Variants in CSMD3 observed in about 807,000 individuals in gnomAD.
CSMD3 encodes the protein CUB and sushi domain-containing protein 3.
CSMD3 carries 177 observed loss-of-function variants against 435.2 expected under a neutral mutation model. The observed-to-expected ratio is 0.41, with a 90% CI of 0.36 to 0.46. CSMD3 has a LOEUF of 0.46. Among genes scored for constraint, CSMD3 ranks in the 20% least tolerant of loss-of-function variants. The pLI, the probability that CSMD3 is intolerant of heterozygous loss-of-function variation, is 0.34. For missense variants in CSMD3, 4,265 were observed against 4,504.6 expected (o/e 0.95, Z 1.52); for synonymous variants, 1,656 against 1,520.5 (o/e 1.09, Z -2.07).
At chr8:113,107,061 C>T (rs533925207) in intron 4 of CSMD3, among the ~76,000 whole-genome samples, 28 of 152,300 alleles carry the variant, frequency 1.8e-4, no homozygotes, top group African/African-American at 5.5e-4. Flanking sequence ...GGGCCTTAGA[C>T]AACCATGAAT....
At chr8:112,403,001 T>C (rs866863105) in intron 35 of CSMD3, among the ~76,000 whole-genome samples, 2 of 152,256 alleles carry the variant, frequency 1.3e-5, no homozygotes, top group Admixed American at 6.5e-5. Context: ...AGAGTGCAAG[T>C]ACCTAAGGGG....
At position 113,002,968 on chromosome 8, in the gene CSMD3, G is replaced by T. The variant is rs1241150133; in HGVS notation, c.1030+16099C>A. Among the ~76,000 whole-genome samples the T allele has an allele frequency of 2.6e-5, 4 of 152,000 alleles. No individual in the cohort carries two copies. In the South Asian group the frequency reaches 8.3e-4, roughly 32 times the overall value. On this transcript the variant is annotated intron_variant, in intron 6 of 70. Coordinates refer to ENST00000297405, the MANE Select transcript of CSMD3 (RefSeq NM_198123.2). ...TAATTAACTAGTGTTGGCCAGGCAC[G>T]GTGGTTCACGTCTGTAATCCCAGCA...
intron 54 of CSMD3, among the ~76,000 whole-genome samples, chr8:112,294,838 A>G (rs890858922): frequency 6.6e-6 from 1 of 152,180 alleles, no homozygotes; most frequent in Non-Finnish European, 1.5e-5. Context: ...GTTTTGTATG[A>G]ATTTTAAAAT....
intron 1 of CSMD3, among the ~76,000 whole-genome samples, chr8:113,335,130 C>A (rs1000488421): frequency 6.6e-6 from 1 of 152,062 alleles, no homozygotes; most frequent in Admixed American, 6.6e-5. Flanking sequence ...GCCACCTCCA[C>A]CCTGGCTCCT....
Position 112,318,269 on chromosome 8 carries a change from C to T in CSMD3, c.7360+568G>A, listed in dbSNP as rs530443085. ...CATCAAGCTTTCCCTACCCCACAAC[C>T]GGTTAAAAATTATATGAATCTACAG... On this transcript the variant is annotated intron_variant, in intron 47 of 70. Coordinates refer to ENST00000297405, the MANE Select transcript of CSMD3 (RefSeq NM_198123.2). Among the ~76,000 whole-genome samples the T allele has an allele frequency of 7.2e-5, 11 of 152,072 alleles. No individual in the cohort carries two copies. In the East Asian group the frequency reaches 1.6e-3, roughly 21 times the overall value.
intron 1 of CSMD3, among the ~76,000 whole-genome samples, chr8:113,388,565 C>T (rs1402497643): frequency 1.3e-5 from 2 of 151,446 alleles, no homozygotes; most frequent in African/African-American, 2.4e-5. Flanking sequence ...AGCAATTAAA[C>T]CAACGTCTGG....
At position 113,269,127 on chromosome 8, in the gene CSMD3, T is replaced by C. The variant is rs547971169; in HGVS notation, c.514+9465A>G. 3.3e-5 allele frequency among the ~76,000 whole-genome samples: 5 copies of C among 152,228 alleles called. 1 individual carries two copies. The highest frequency in any genetic ancestry group is 2.6e-4 in the Admixed American group (4 of 15,264). The stretch of plus-strand genomic sequence containing the variant: ...ATTCTTTTGAGTAGCTTTTTAAAAT[T>C]AACAATTTAATAAAATTTTTAGCAC... On this transcript the variant is annotated intron_variant, in intron 3 of 70. Coordinates refer to ENST00000297405, the MANE Select transcript of CSMD3 (RefSeq NM_198123.2).
At chr8:112,370,228 T>C (rs1226643176) in intron 38 of CSMD3, among the ~76,000 whole-genome samples, 3 of 152,130 alleles carry the variant, frequency 2.0e-5, no homozygotes, top group Admixed American at 6.6e-5. Context: ...CAAATATTCA[T>C]TGAGGACATA....
Position 113,055,569 on chromosome 8 carries a change from A to G in CSMD3, c.918-36390T>C, listed in dbSNP as rs145825225. 3.3e-3 allele frequency among the ~76,000 whole-genome samples: 507 copies of G among 152,132 alleles called. 3 individuals are homozygous for G. Among genetic ancestry groups the G allele is most frequent in the Non-Finnish European group, 5.9e-3 (404 of 68,002 alleles). Reference sequence around the variant, plus strand: ...CTCATGTCTATAACTGTAATCCTAAATTTTCCCTTGAGCTTCAGACTTGTA... The same window carrying G: ...CTCATGTCTATAACTGTAATCCTAAGTTTTCCCTTGAGCTTCAGACTTGTA... On this transcript the variant is annotated intron_variant, in intron 5 of 70. Coordinates refer to ENST00000297405, the MANE Select transcript of CSMD3 (RefSeq NM_198123.2).
At chr8:112,589,696 G>A (rs1190759759) in intron 22 of CSMD3, among the ~76,000 whole-genome samples, 2 of 152,110 alleles carry the variant, frequency 1.3e-5, no homozygotes, top group Non-Finnish European at 2.9e-5. Flanking sequence ...ATTGAGAAAA[G>A]GAACTAGCAG....
At chr8:112,393,358 C>A (rs1264536578) in intron 35 of CSMD3, among the ~76,000 whole-genome samples, 1 of 152,160 alleles carries the variant, frequency 6.6e-6, no homozygotes, top group Non-Finnish European at 1.5e-5. Flanking sequence ...ACCTAGCTAA[C>A]ACCTACCCAT....
At chr8:112,695,978 A>G (rs984682052) in intron 13 of CSMD3, among the ~76,000 whole-genome samples, 5 of 152,202 alleles carry the variant, frequency 3.3e-5, no homozygotes, top group Non-Finnish European at 7.3e-5. Context: ...CCCATTCACA[A>G]TTGCTTCAAA....
chr8:113,163,921 T>A (rs1347156553), intron 4 of CSMD3, among the ~76,000 whole-genome samples: 2 of 152,034 alleles, frequency 1.3e-5, no homozygotes, highest in African/African-American at 4.8e-5. Context: ...TTTCCTCTCA[T>A]ATTACTAATA....
At chr8:112,679,089 T>G (rs1563842959) in intron 16 of CSMD3, among the ~76,000 whole-genome samples, 1 of 70,152 alleles carries the variant, frequency 1.4e-5, no homozygotes, top group East Asian at 4.7e-4. Flanking sequence ...GGGCAGGTTT[T>G]TTTTTTTTTT....
intron 1 of CSMD3, among the ~76,000 whole-genome samples, chr8:113,425,966 T>C (rs1193232912): frequency 2.0e-5 from 3 of 151,524 alleles, no homozygotes; most frequent in African/African-American, 4.8e-5. Flanking sequence ...ATATCTTAAC[T>C]CCAGATTTCT....
chr8:112,735,755 T>C (rs1319039596), intron 13 of CSMD3, among the ~76,000 whole-genome samples: 1 of 152,022 alleles, frequency 6.6e-6, no homozygotes, highest in Non-Finnish European at 1.5e-5. Context: ...ATTCTCATAT[T>C]GATCACTGTG....
At chr8:112,465,611 G>T (rs966343973) in intron 32 of CSMD3, among the ~76,000 whole-genome samples, 8 of 151,902 alleles carry the variant, frequency 5.3e-5, no homozygotes, top group Non-Finnish European at 1.2e-4. Context: ...AAAAAATAGG[G>T]GTTTCCTTTC....
At chr8:112,980,155 C>T (rs1011698049) in intron 6 of CSMD3, among the ~76,000 whole-genome samples, 90 of 150,382 alleles carry the variant, frequency 6.0e-4, no homozygotes, top group African/African-American at 2.0e-3. Context: ...ATTTGAACTT[C>T]ATTTTGATTA....
chr8:113,308,607 A>T (rs1023466203), intron 2 of CSMD3, among the ~76,000 whole-genome samples: 4 of 152,186 alleles, frequency 2.6e-5, no homozygotes, highest in Admixed American at 2.0e-4. Context: ...AAAATCTGTA[A>T]TGAATTATAA....
Sources: allele counts gnomAD v4.1 joint callset (sites outside exome capture counted in the v4.1 genomes callset), GRCh38; gene constraint gnomAD v4.1.1; transcripts MANE v1.5; gene names NCBI Gene and HGNC (gene_info 2026-07-23, HGNC 2026-07-21).